Variants in MACROD2 observed in about 807,000 individuals in gnomAD.
MACROD2 encodes ADP-ribose glycohydrolase MACROD2.
Under a neutral mutation model 70.4 loss-of-function variants are expected in MACROD2, and 36 were observed. The observed-to-expected ratio is 0.51, with a 90% CI of 0.39 to 0.68. The LOEUF is 0.68. Ranked by LOEUF, MACROD2 falls within the 30% of genes least tolerant of loss-of-function variation. The pLI, the probability that MACROD2 is intolerant of heterozygous loss-of-function variation, is 0.00. For missense variants in MACROD2, 496 were observed against 538.4 expected (o/e 0.92, Z 0.78); for synonymous variants, 172 against 178.8 (o/e 0.96, Z 0.30).
intron 2 of MACROD2, among the ~76,000 whole-genome samples, chr20:14,066,694 T>G (rs930455832): frequency 1.3e-5 from 2 of 152,212 alleles, no homozygotes; most frequent in Non-Finnish European, 2.9e-5. Context: ...TGTGCAAATG[T>G]TCATTGCAGT....
At chr20:14,809,756 C>T (rs1378031636) in intron 5 of MACROD2, among the ~76,000 whole-genome samples, 1 of 152,020 alleles carries the variant, frequency 6.6e-6, no homozygotes, top group East Asian at 1.9e-4. Context: ...GGGGATATCA[C>T]CAGTGATCCC....
At chr20:15,908,229 G>A (rs1243677136) in intron 10 of MACROD2, among the ~76,000 whole-genome samples, 1 of 152,126 alleles carries the variant, frequency 6.6e-6, no homozygotes, top group Non-Finnish European at 1.5e-5. Flanking sequence ...TTGGAGAATG[G>A]GGGGAAAAGT....
intron 3 of MACROD2, among the ~76,000 whole-genome samples, chr20:14,485,434 G>A (rs375668135): frequency 6.6e-6 from 1 of 152,180 alleles, no homozygotes; most frequent in Non-Finnish European, 1.5e-5. Context: ...AGGCGTGGTG[G>A]CTCACGCCTG....
rs1419657174 is a variant in MACROD2 at position 15,060,218 on chromosome 20, CCTGTGTGATT to C, written c.419-169718_419-169709del. 2.6e-5 allele frequency among the ~76,000 whole-genome samples: 4 copies of C among 152,168 alleles called. No homozygotes were observed. The East Asian group carries it at 5.8e-4, about 22-fold the overall frequency. On this transcript the variant is annotated intron_variant, in intron 5 of 17. Transcript: ENST00000684519. ...AATTCCATTTCCAAGAATCCCCTGCCCTGTGTGATTCTGGTTGCGTTGGCTAAAAGAAGAG... is the reference window on the plus strand; with the variant it reads ...AATTCCATTTCCAAGAATCCCCTGCCCTGGTTGCGTTGGCTAAAAGAAGAG...
At chr20:15,097,690 A>G (rs1375150327) in intron 5 of MACROD2, among the ~76,000 whole-genome samples, 3 of 152,230 alleles carry the variant, frequency 2.0e-5, no homozygotes, top group Non-Finnish European at 4.4e-5. Context: ...ATGCAAGGCC[A>G]TGCTTTGTTG....
chr20:15,939,558 A>G (rs953597121), intron 12 of MACROD2, among the ~76,000 whole-genome samples: 3 of 151,928 alleles, frequency 2.0e-5, no homozygotes, highest in Admixed American at 6.6e-5. Flanking sequence ...TTGACAATGC[A>G]CCTGGTCTTC....
chr20:15,695,737 T>C (rs1321167670), intron 8 of MACROD2, among the ~76,000 whole-genome samples: 2 of 152,142 alleles, frequency 1.3e-5, no homozygotes, highest in African/African-American at 2.4e-5. Context: ...CAGTGTTTTG[T>C]AGTTTTCCTT....
chr20:14,919,189 T>G (rs2074130826), intron 5 of MACROD2, among the ~76,000 whole-genome samples: 2 of 152,190 alleles, frequency 1.3e-5, no homozygotes, highest in South Asian at 4.1e-4. Context: ...ACAAACACAT[T>G]GCTGGGAAAG....
intron 5 of MACROD2, among the ~76,000 whole-genome samples, chr20:14,872,993 A>G (rs2073506636): frequency 6.6e-6 from 1 of 152,134 alleles, no homozygotes; most frequent in Non-Finnish European, 1.5e-5. Context: ...TGAGAACAGC[A>G]TAGGGGAAAC....
intron 3 of MACROD2, among the ~76,000 whole-genome samples, chr20:14,385,243 T>G (rs1297488747): frequency 6.6e-6 from 1 of 152,100 alleles, no homozygotes; most frequent in East Asian, 1.9e-4. Context: ...AAATAAAGCT[T>G]TAGGAGTAAA....
intron 8 of MACROD2, among the ~76,000 whole-genome samples, chr20:15,787,379 C>T (rs760476425): frequency 6.6e-6 from 1 of 152,072 alleles, no homozygotes; most frequent in Non-Finnish European, 1.5e-5. Context: ...TTCTGTGATG[C>T]TGAGGTTTGG....
intron 7 of MACROD2, among the ~76,000 whole-genome samples, chr20:15,441,090 A>G (rs975448390): frequency 1.3e-5 from 2 of 152,194 alleles, no homozygotes; most frequent in Non-Finnish European, 2.9e-5. Flanking sequence ...CTTTTGAGAC[A>G]GTGGAGAGAC....
chr20:15,424,555 A>T (rs896512256), intron 6 of MACROD2, among the ~76,000 whole-genome samples: 3 of 151,884 alleles, frequency 2.0e-5, no homozygotes, highest in African/African-American at 7.3e-5. Flanking sequence ...TCGTCTCTAC[A>T]AAAAATAAAA....
chr20:14,621,263 C>A (rs1315263322), intron 4 of MACROD2, among the ~76,000 whole-genome samples: 4 of 151,932 alleles, frequency 2.6e-5, no homozygotes. Flanking sequence ...GTGTGTAATT[C>A]TTATTAGGGC....
At chr20:16,010,240 A>G (rs1217348027) in intron 15 of MACROD2, among the ~76,000 whole-genome samples, 5 of 152,136 alleles carry the variant, frequency 3.3e-5, no homozygotes, top group Admixed American at 3.3e-4. Context: ...CATGTGGGTT[A>G]CCTGTACAGC....
At chr20:14,297,074 A>C (rs2082433612) in intron 3 of MACROD2, among the ~76,000 whole-genome samples, 1 of 151,754 alleles carries the variant, frequency 6.6e-6, no homozygotes, top group African/African-American at 2.4e-5. Flanking sequence ...AACTGTTACA[A>C]ATTGCCGTGA....
At chr20:15,044,878 T>C (rs1267738346) in intron 5 of MACROD2, among the ~76,000 whole-genome samples, 1 of 152,170 alleles carries the variant, frequency 6.6e-6, no homozygotes, top group African/African-American at 2.4e-5. Context: ...TATGTGCAGT[T>C]GTTTATCCAT....
chr20:15,323,795 C>G (rs918743242), intron 6 of MACROD2, among the ~76,000 whole-genome samples: 1 of 152,012 alleles, frequency 6.6e-6, no homozygotes, highest in Admixed American at 6.6e-5. Flanking sequence ...TGCCTATGTC[C>G]CTAAGTTGTA....
At chr20:14,735,144 TA>T (rs1193401220) in intron 5 of MACROD2, among the ~76,000 whole-genome samples, 1 of 152,002 alleles carries the variant, frequency 6.6e-6, no homozygotes, top group African/African-American at 2.4e-5. Context: ...TAGACGTTAT[TA>T]AAACAAAAAA....
Sources: gnomAD v4.1 joint callset for allele counts (sites outside exome capture counted in the v4.1 genomes callset) on GRCh38, gnomAD v4.1.1 for gene constraint, MANE v1.5 for transcripts, NCBI Gene and HGNC (gene_info 2026-07-23, HGNC 2026-07-21) for gene names.